GABBR2: variants seen among roughly 807,000 people sequenced by gnomAD.
GABBR2 encodes gamma-aminobutyric acid type B receptor subunit 2, also known as G-protein coupled receptor 51.
In GABBR2, 23 loss-of-function variants were observed where a neutral mutation model predicts 105.6. That is an observed-to-expected ratio of 0.22 (90% CI 0.16 to 0.31). The LOEUF (loss-of-function observed/expected upper bound fraction) is 0.31, where lower values mean the gene tolerates loss of function less well. GABBR2 is among the 10% of genes least tolerant of loss of function. GABBR2 has a pLI of 1.00. For missense variants in GABBR2, 734 were observed against 1,245.5 expected (o/e 0.59, Z 6.18); for synonymous variants, 478 against 499.7 (o/e 0.96, Z 0.58).
intron 2 of GABBR2, among the ~76,000 whole-genome samples, chr9:98,551,418 A>C (rs1000346881): frequency 2.6e-5 from 4 of 152,184 alleles, no homozygotes; most frequent in African/African-American, 4.8e-5. Flanking sequence ...CAACCAAACC[A>C]AACCAAACAA....
At chr9:98,538,297 C>T (rs1828219680) in intron 3 of GABBR2, among the ~76,000 whole-genome samples, 2 of 152,164 alleles carry the variant, frequency 1.3e-5, no homozygotes, top group Non-Finnish European at 2.9e-5. Flanking sequence ...GTACCAAATC[C>T]TTCCTTCTTT....
At chr9:98,401,665 T>G (rs1319632949) in intron 8 of GABBR2, among the ~76,000 whole-genome samples, 1 of 152,186 alleles carries the variant, frequency 6.6e-6, no homozygotes, top group Non-Finnish European at 1.5e-5. Context: ...GACCCATGAC[T>G]TGGTGAAGCG....
intron 7 of GABBR2, among the ~76,000 whole-genome samples, chr9:98,422,520 G>C (rs1190136491): frequency 6.8e-6 from 1 of 146,444 alleles, no homozygotes; most frequent in Non-Finnish European, 1.5e-5. Flanking sequence ...GTGTGTGTGT[G>C]TCTGTGTGTG....
chr9:98,555,200 T>A lies in GABBR2; in HGVS notation c.460-13157A>T, dbSNP rs1828563668. ...TTACAATCACACAGGGCCTTTTAAT[T>A]TACAAAGCCCTTTCCTGCAATATTC... is the stretch of plus-strand genomic sequence containing the variant. On this transcript the variant is annotated intron_variant, in intron 2 of 18. Transcript: ENST00000259455. Among the ~76,000 whole-genome samples the A allele has an allele frequency of 2.0e-5, 3 of 152,200 alleles. No individual in the cohort carries two copies. The South Asian group carries it at 6.2e-4, about 32-fold the overall frequency.
chr9:98,525,949 C>T (rs1564103939), intron 3 of GABBR2, among the ~76,000 whole-genome samples: 1 of 152,134 alleles, frequency 6.6e-6, no homozygotes, highest in Non-Finnish European at 1.5e-5. Flanking sequence ...TATGAAATGT[C>T]ATTATAGGCA....
At chr9:98,449,634 A>G (rs943959704) in intron 7 of GABBR2, among the ~76,000 whole-genome samples, 3 of 152,198 alleles carry the variant, frequency 2.0e-5, no homozygotes, top group African/African-American at 7.2e-5. Flanking sequence ...AAGGTTAAGA[A>G]TCATTGCTCT....
chr9:98,369,708 A>G (rs1437994028), intron 12 of GABBR2, among the ~76,000 whole-genome samples: 1 of 149,592 alleles, frequency 6.7e-6, no homozygotes, highest in Non-Finnish European at 1.5e-5. Flanking sequence ...AACAGGCTCC[A>G]TGTTCCACTG....
chr9:98,377,520 A>T (rs1831897410), intron 11 of GABBR2, among the ~76,000 whole-genome samples: 1 of 152,208 alleles, frequency 6.6e-6, no homozygotes, highest in South Asian at 2.1e-4. Context: ...ACAACATAGT[A>T]AATGGGAACT....
intron 12 of GABBR2, among the ~76,000 whole-genome samples, chr9:98,368,826 C>G (rs1831727648): frequency 1.3e-5 from 2 of 152,210 alleles, no homozygotes; most frequent in Non-Finnish European, 2.9e-5. Context: ...AGGCCAGTGG[C>G]TCTCCAGCCT....
chr9:98,549,984 G>A lies in GABBR2; in HGVS notation c.460-7941C>T, dbSNP rs536986214. The stretch of plus-strand genomic sequence containing the variant: ...TGGTGTCAAGGACCAAGTTCACAAA[G>A]AATTAAGCACTATGAGTGGTTGCCT... On this transcript the variant is annotated intron_variant, in intron 2 of 18. Coordinates refer to ENST00000259455, the MANE Select transcript of GABBR2 (RefSeq NM_005458.8). 3.4e-4 allele frequency among the ~76,000 whole-genome samples: 52 copies of A among 152,286 alleles called. No individual in the cohort carries two copies. In the South Asian group the frequency reaches 0.011, roughly 32 times the overall value.
At chr9:98,412,218 C>T (rs1048892891) in intron 7 of GABBR2, among the ~76,000 whole-genome samples, 31 of 152,352 alleles carry the variant, frequency 2.0e-4, no homozygotes, top group African/African-American at 6.7e-4. Context: ...TTACAGGCAA[C>T]GCCTGGGCAG....
intron 1 of GABBR2, among the ~76,000 whole-genome samples, chr9:98,601,148 T>A (rs2131804838): frequency 6.6e-6 from 1 of 152,248 alleles, no homozygotes; most frequent in Non-Finnish European, 1.5e-5. Context: ...AACACACAAT[T>A]TCCAAACAAA....
intron 1 of GABBR2, among the ~76,000 whole-genome samples, chr9:98,703,017 C>T (rs900333430): frequency 3.9e-5 from 6 of 152,220 alleles, no homozygotes; most frequent in Non-Finnish European, 5.9e-5. Flanking sequence ...AGGCCTGTCC[C>T]ATCAGGGTCA....
chr9:98,403,770 T>TAC (rs1419710986), intron 8 of GABBR2, among the ~76,000 whole-genome samples: 1 of 149,056 alleles, frequency 6.7e-6, no homozygotes, highest in Admixed American at 6.7e-5. Context: ...TATATATATA[T>TAC]ACATATATAT....
At chr9:98,569,227 C>G (rs1053042726) in intron 2 of GABBR2, among the ~76,000 whole-genome samples, 1 of 152,132 alleles carries the variant, frequency 6.6e-6, no homozygotes, top group Non-Finnish European at 1.5e-5. Context: ...GGCTCACTTG[C>G]GTGCTCTGTG....
intron 3 of GABBR2, among the ~76,000 whole-genome samples, chr9:98,507,905 T>C (rs1827545167): frequency 6.6e-6 from 1 of 152,180 alleles, no homozygotes; most frequent in Admixed American, 6.5e-5. Flanking sequence ...AAATTTCCTG[T>C]TGGGCATCCC....
At chr9:98,535,796 A>G (rs922591371) in intron 3 of GABBR2, among the ~76,000 whole-genome samples, 1 of 152,234 alleles carries the variant, frequency 6.6e-6, no homozygotes, top group African/African-American at 2.4e-5. Context: ...TACATTCCGT[A>G]TGATTCCAAC....
At chr9:98,435,342 T>G (rs972776098) in intron 7 of GABBR2, among the ~76,000 whole-genome samples, 7 of 152,206 alleles carry the variant, frequency 4.6e-5, no homozygotes, top group African/African-American at 1.7e-4. Context: ...CAGTTCAAAA[T>G]GGAAAGTAAT....
chr9:98,650,752 C>T (rs1830092637), intron 1 of GABBR2, among the ~76,000 whole-genome samples: 1 of 152,156 alleles, frequency 6.6e-6, no homozygotes, highest in Non-Finnish European at 1.5e-5. Context: ...ATTATTAAGC[C>T]TTAAAAAGGA....
Sources: gnomAD v4.1 joint callset for allele counts (sites outside exome capture counted in the v4.1 genomes callset) on GRCh38, gnomAD v4.1.1 for gene constraint, MANE v1.5 for transcripts, NCBI Gene and HGNC (gene_info 2026-07-23, HGNC 2026-07-21) for gene names.